The following CFAP58 variants were observed in gnomAD, a reference collection of about 807,000 sequenced individuals.
The protein encoded by CFAP58 is cilia and flagella associated protein 58.
In CFAP58, 88 loss-of-function variants were observed where a neutral mutation model predicts 119.5. The observed-to-expected ratio is 0.74, with a 90% CI of 0.62 to 0.88. The LOEUF is 0.88. Ranked by LOEUF, CFAP58 falls within the 40% of genes least tolerant of loss-of-function variation. The probability of loss-of-function intolerance (pLI) is 0.00; values close to 1 mark genes in which losing one functional copy is unlikely to be tolerated. For missense variants in CFAP58, 990 were observed against 1,021.2 expected (o/e 0.97, Z 0.42); for synonymous variants, 365 against 366.3 (o/e 1.00, Z 0.04).
chr10:104,415,017 C>G (rs1259518037), intron 15 of CFAP58, among the ~76,000 whole-genome samples: 1 of 152,228 alleles, frequency 6.6e-6, no homozygotes, highest in East Asian at 1.9e-4. Flanking sequence ...ACCGCAGTCA[C>G]TGAGCGCCCG....
chr10:104,418,488 C>T (rs2012590269), intron 15 of CFAP58, among the ~76,000 whole-genome samples: 1 of 152,198 alleles, frequency 6.6e-6, no homozygotes, highest in East Asian at 1.9e-4. Flanking sequence ...GCGGAGCTTG[C>T]AGTGAGCCAA....
At chr10:104,387,786 C>A (rs2011954117) in intron 9 of CFAP58, among the ~76,000 whole-genome samples, 1 of 152,202 alleles carries the variant, frequency 6.6e-6, no homozygotes, top group Non-Finnish European at 1.5e-5. Context: ...TAGGATCTCC[C>A]TCTTTTTTCA....
At chr10:104,379,881 C>G (rs546489321) in intron 8 of CFAP58, 148 bp from the exon 9 acceptor site, 7 of 740,728 alleles carry the variant, frequency 9.5e-6, no homozygotes, top group Non-Finnish European at 4.4e-6. Flanking sequence ...GCATAACAAA[C>G]TCTTAATAAG....
intron 11 of CFAP58, among the ~76,000 whole-genome samples, chr10:104,395,447 T>G (rs924719289): frequency 6.6e-6 from 1 of 152,182 alleles, no homozygotes; most frequent in Non-Finnish European, 1.5e-5. Flanking sequence ...GGGATGCCCT[T>G]TCTCCCTGCA....
chr10:104,407,447 C>G (rs1381822351), intron 15 of CFAP58, among the ~76,000 whole-genome samples: 7 of 152,108 alleles, frequency 4.6e-5, no homozygotes, highest in Admixed American at 4.6e-4. Flanking sequence ...GAAGTCAGCG[C>G]CCACGAGTTT....
chr10:104,414,700 T>C lies in CFAP58; in HGVS notation c.2256+7907T>C, dbSNP rs188577163. Among the ~76,000 whole-genome samples, 1,391 of 152,258 alleles carry C rather than the reference T, an allele frequency of 9.1e-3. 24 individuals carry two copies. Among genetic ancestry groups the C allele is most frequent in the African/African-American group, 0.032 (1,323 of 41,528 alleles). ...TTTTTATTTTTTTGAGACGGATTCTTGCTCTGTCACCCAGGCTGGAGTGCA... is the reference window on the plus strand; with the variant it reads ...TTTTTATTTTTTTGAGACGGATTCTCGCTCTGTCACCCAGGCTGGAGTGCA... On this transcript the variant is annotated intron_variant, in intron 15 of 17. Transcript: ENST00000369704.
chr10:104,383,452 A>G (rs2133017636), intron 9 of CFAP58, among the ~76,000 whole-genome samples: 1 of 152,316 alleles, frequency 6.6e-6, no homozygotes, highest in Admixed American at 6.5e-5. Context: ...GAATGCTGCC[A>G]CTGATTTTAA....
At chr10:104,380,447 T>C (rs2011765452) in intron 9 of CFAP58, among the ~76,000 whole-genome samples, 1 of 152,170 alleles carries the variant, frequency 6.6e-6, no homozygotes, top group African/African-American at 2.4e-5. Context: ...ATTTCTACTT[T>C]CCAGGGCCCT....
intron 15 of CFAP58, among the ~76,000 whole-genome samples, chr10:104,407,044 C>A (rs1295274655): frequency 3.3e-5 from 5 of 152,186 alleles, no homozygotes; most frequent in Admixed American, 2.6e-4. Flanking sequence ...ATGTGAGCAA[C>A]CCCCATCCCA....
Position 104,358,516 on chromosome 10 carries a change from C to G in CFAP58, c.185C>G (p.Ala62Gly), listed in dbSNP as rs1564876960. ...TATGACAATGAAAAGCGTCTGATGG[C>G]CAAATGCAGAGAGCTAAATGCAGAG... ...KSYDNEKRLM[A>G]KCRELNAEIV... Residue 62 changes from alanine (A) to glycine (G), a missense_variant, in exon 2 of 18, where the codon GCC (alanine) becomes GGC (glycine). Physicochemically the swap from Ala to Gly is moderately conservative, Grantham distance 60. Coordinates refer to ENST00000369704, the MANE Select transcript of CFAP58 (RefSeq NM_001008723.2). 2.5e-6 allele frequency: 4 copies of G among 1,614,046 alleles called. No homozygotes were observed. The highest frequency in any genetic ancestry group is 3.4e-6 in the Non-Finnish European group (4 of 1,179,994).
At chr10:104,436,863 A>T (rs1005276316) in intron 15 of CFAP58, among the ~76,000 whole-genome samples, 1 of 152,200 alleles carries the variant, frequency 6.6e-6, no homozygotes, top group Admixed American at 6.5e-5. Context: ...AGTCCCTTGC[A>T]CACGCTGCAG....
At chr10:104,454,297 C>T in intron 17 of CFAP58, 125 bp from the exon 18 acceptor site, 1 of 784,434 alleles carries the variant, frequency 1.3e-6, no homozygotes, top group African/African-American at 1.8e-5. Context: ...AAACAACTAC[C>T]TTGTCTAAAA....
chr10:104,357,877 G>GTACACATATGTACACATATA (rs2014579761), intron 1 of CFAP58, among the ~76,000 whole-genome samples: 1 of 90,968 alleles, frequency 1.1e-5, no homozygotes, highest in Admixed American at 9.9e-5. Flanking sequence ...ACACATATAT[G>GTACACATATGTACACATATA]TACACATATA....
In CFAP58 at chr10:104,353,840, G is replaced by C. The variant is rs967990545; in HGVS notation, c.-58G>C. 8.2e-6 allele frequency: 13 copies of C among 1,587,436 alleles called. No homozygotes were observed. The highest frequency in any genetic ancestry group is 9.5e-6 in the Non-Finnish European group (11 of 1,160,898). On this transcript the variant is annotated 5_prime_UTR_variant, in exon 1 of 18. Transcript: ENST00000369704. ...GCCTTTAGCTTCTTTCCCAGACTCCGGCCCAGCTCCTGCGATCTCCACAGC... is the reference window on the plus strand; with the variant it reads ...GCCTTTAGCTTCTTTCCCAGACTCCCGCCCAGCTCCTGCGATCTCCACAGC...
intron 6 of CFAP58, among the ~76,000 whole-genome samples, chr10:104,369,275 A>G (rs1323933823): frequency 6.6e-6 from 1 of 152,212 alleles, no homozygotes; most frequent in Admixed American, 6.5e-5. Context: ...TAACATTTTT[A>G]TATCACAAAC....
chr10:104,401,018 G>C (rs1589922795), intron 13 of CFAP58, 115 bp downstream of exon 13: 4 of 695,948 alleles, frequency 5.7e-6, no homozygotes, highest in African/African-American at 3.6e-5. Flanking sequence ...TGTACAAAAT[G>C]AAGTTTACAG....
intron 11 of CFAP58, among the ~76,000 whole-genome samples, chr10:104,396,412 G>A (rs12249738): frequency 6.8e-4 from 87 of 127,042 alleles, no homozygotes; most frequent in African/African-American, 2.6e-3. Flanking sequence ...GAGAGAGAGA[G>A]AGAGAGAGAG....
intron 1 of CFAP58, among the ~76,000 whole-genome samples, chr10:104,354,168 G>A (rs2014508516): frequency 6.6e-6 from 1 of 152,168 alleles, no homozygotes; most frequent in Non-Finnish European, 1.5e-5. Flanking sequence ...AATGAATTCT[G>A]AAATCCACAC....
rs917376539 is a variant in CFAP58, at chr10:104,403,825, A to G, written c.2136A>G (p.Arg712=). The part of the protein sequence containing the change: ...EELENPLNVH[R]WRKLEASDPN... ...TGGAGAATCCCCTGAATGTGCACAG[A>G]TGGAGGAAGCTCGAGGTAACATCTG... Residue 712 remains arginine, a synonymous_variant, in exon 14 of 18, where the codon AGA becomes AGG. Transcript: ENST00000369704. 8 of 1,609,746 alleles carry G rather than the reference A, an allele frequency of 5.0e-6. No homozygotes were observed. Among genetic ancestry groups the G allele is most frequent in the Admixed American group, 3.3e-5 (2 of 59,764 alleles).
Sources: gnomAD v4.1 joint callset for allele counts (sites outside exome capture counted in the v4.1 genomes callset) on GRCh38, gnomAD v4.1.1 for gene constraint, MANE v1.5 for transcripts, NCBI Gene and HGNC (gene_info 2026-07-23, HGNC 2026-07-21) for gene names.